SS18: variants seen among roughly 807,000 people sequenced by gnomAD.
SS18 encodes protein SSXT.
Under a neutral mutation model 72.5 loss-of-function variants are expected in SS18, and 28 were observed. The observed-to-expected ratio is 0.39, with a 90% CI of 0.29 to 0.53. The LOEUF is 0.53. Ranked by LOEUF, SS18 falls within the 20% of genes least tolerant of loss-of-function variation. The pLI, the probability that SS18 is intolerant of heterozygous loss-of-function variation, is 0.76. For missense variants in SS18, 518 were observed against 535.3 expected (o/e 0.97, Z 0.32); for synonymous variants, 172 against 164.2 (o/e 1.05, Z -0.37).
At chr18:26,077,036 A>C (rs1024544954) in intron 3 of SS18, among the ~76,000 whole-genome samples, 1 of 151,972 alleles carries the variant, frequency 6.6e-6, no homozygotes, top group Admixed American at 6.5e-5. Flanking sequence ...ATTACAGCTA[A>C]TAAATGCAAG....
chr18:26,079,788 C>T (rs1381218042), intron 2 of SS18, among the ~76,000 whole-genome samples: 1 of 152,094 alleles, frequency 6.6e-6, no homozygotes, highest in Non-Finnish European at 1.5e-5. Context: ...ACCATGTTGC[C>T]CAGGCTGCTC....
chr18:26,036,174 C>T (rs1233545112), intron 7 of SS18, among the ~76,000 whole-genome samples: 1 of 141,190 alleles, frequency 7.1e-6, no homozygotes, highest in Non-Finnish European at 1.5e-5. Context: ...TCTGATAATC[C>T]TCATTGAGGG....
At chr18:26,023,621 C>T (rs1322217998) in intron 10 of SS18, 1 of 530,544 alleles carries the variant, frequency 1.9e-6, no homozygotes, top group African/African-American at 1.9e-5. Context: ...AACAAACTGT[C>T]CACCTAGAAT....
rs73403587 is a variant in SS18 at position 26,082,388 on chromosome 18, C to A, written c.147-4228G>T. On this transcript the variant is annotated intron_variant, in intron 2 of 10. Transcript: ENST00000415083. ...CTAGAAGCTATGAATATTTATTAGACAACGGGAATGCACTTTATAGAATAA... is the reference window on the plus strand; with the variant it reads ...CTAGAAGCTATGAATATTTATTAGAAAACGGGAATGCACTTTATAGAATAA... The A allele has an allele frequency of 6.3e-6, 6 of 954,120 alleles. No individual in the cohort carries two copies. In the South Asian group the frequency reaches 2.4e-4, roughly 38 times the overall value. The allele number at this position is 954,120 out of a possible 1,614,324, so 59.1% of individuals were successfully genotyped here. A position where few individuals can be genotyped will look rare whatever the true frequency, so the allele number is the denominator to read the frequency against.
rs116141340 is a variant in SS18 at position 26,084,450 on chromosome 18, T to C, written c.146+3051A>G. ...TGTGTTGAAGTATGATGAGAAACAA[T>C]GTAAATGTGCCTCAAGGTATTAGAT... On this transcript the variant is annotated intron_variant, in intron 2 of 10. Coordinates refer to ENST00000415083, the MANE Select transcript of SS18 (RefSeq NM_001007559.3). Among the ~76,000 whole-genome samples, 548 of 152,236 alleles carry C rather than the reference T, an allele frequency of 3.6e-3. 4 individuals carry two copies. Among genetic ancestry groups the C allele is most frequent in the African/African-American group, 0.013 (525 of 41,552 alleles).
chr18:26,053,649 A>AGC (rs2053962494), intron 4 of SS18, among the ~76,000 whole-genome samples: 2 of 152,198 alleles, frequency 1.3e-5, no homozygotes, highest in African/African-American at 4.8e-5. Context: ...TGGGCAAAGG[A>AGC]CATAATGAGG....
At chr18:26,047,487 A>AT (rs1480145961) in intron 5 of SS18, among the ~76,000 whole-genome samples, 2 of 152,074 alleles carry the variant, frequency 1.3e-5, no homozygotes, top group Admixed American at 6.5e-5. Flanking sequence ...GAAAAATCAC[A>AT]TTTTTTCATG....
chr18:26,069,507 T>TAAAAAAAA (rs11329781), intron 3 of SS18, among the ~76,000 whole-genome samples: 2 of 86,008 alleles, frequency 2.3e-5, no homozygotes, highest in Non-Finnish European at 6.0e-5. Flanking sequence ...CCTACCAAAG[T>TAAAAAAAA]AAAAAAAAAA....
At chr18:26,077,678 C>G (rs1436495087) in intron 3 of SS18, among the ~76,000 whole-genome samples, 1 of 152,098 alleles carries the variant, frequency 6.6e-6, no homozygotes, top group Non-Finnish European at 1.5e-5. Flanking sequence ...TATTGTAAGA[C>G]AGAAAGAAAT....
Position 26,057,739 on chromosome 18 carries a change from G to C in SS18, c.235C>G (p.Pro79Ala). ...QNMQSLLPAP[P>A]TQNMPMGPGG... ...GGACCCATAGGCATATTCTGTGTGG[G>C]TGGCTGAAAGAAGACAGTTTAGTAA... The change falls in exon 4 of 11, where the codon CCC becomes GCC. Residue 79 changes from proline (P) to alanine (A), a missense_variant. Coordinates refer to ENST00000415083, the MANE Select transcript of SS18 (RefSeq NM_001007559.3). The C allele has an allele frequency of 6.3e-7, 1 of 1,599,786 alleles. No homozygotes were observed. Among genetic ancestry groups the C allele is most frequent in the South Asian group, 1.1e-5 (1 of 89,842 alleles).
chr18:26,030,082 C>T (rs904698375), intron 10 of SS18, among the ~76,000 whole-genome samples: 2 of 152,182 alleles, frequency 1.3e-5, no homozygotes, highest in South Asian at 2.1e-4. Context: ...ATCATAGCTA[C>T]CAAGTGCTAG....
intron 3 of SS18, among the ~76,000 whole-genome samples, chr18:26,074,686 T>C (rs2054378339): frequency 6.6e-6 from 1 of 152,006 alleles, no homozygotes; most frequent in African/African-American, 2.4e-5. Context: ...ATAATTTATA[T>C]TAACAATATA....
At chr18:26,036,519 T>C (rs2053628674) in intron 7 of SS18, among the ~76,000 whole-genome samples, 2 of 152,206 alleles carry the variant, frequency 1.3e-5, no homozygotes, top group South Asian at 2.1e-4. Flanking sequence ...ATCATAAACA[T>C]ACATCTTCAT....
chr18:26,020,827 G>A (rs2053335890), intron 10 of SS18, among the ~76,000 whole-genome samples: 1 of 152,076 alleles, frequency 6.6e-6, no homozygotes, highest in Admixed American at 6.6e-5. Context: ...AAAAGAAAAG[G>A]GGGCAATTCA....
At chr18:26,079,056 C>A (rs529055185) in intron 2 of SS18, 1 of 152,100 alleles carries the variant, frequency 6.6e-6, no homozygotes, top group Non-Finnish European at 1.5e-5. Context: ...CAACTTAGGC[C>A]CACTGTGTTT....
chr18:26,035,844 ATGT>A lies in SS18; in HGVS notation c.957_959del (p.Gln319del). 2 of 1,598,942 alleles carry A rather than the reference ATGT, an allele frequency of 1.3e-6. No homozygotes were observed. Among genetic ancestry groups the A allele is most frequent in the Non-Finnish European group, 1.7e-6 (2 of 1,170,656 alleles). On this transcript the variant is annotated inframe_deletion, in exon 8 of 11. Coordinates refer to ENST00000415083, the MANE Select transcript of SS18 (RefSeq NM_001007559.3). This position sits in a 1 kb window ranked among gnomAD's most constrained non-coding sequence, Gnocchi z 4.4. ...GTATATAGATACCTCCTTCGTAGTAATGTTGTGAGGAATCCTCATAAGGCCTAT... is the reference window on the plus strand; with the variant it reads ...GTATATAGATACCTCCTTCGTAGTAATGTGAGGAATCCTCATAAGGCCTAT...
Position 26,078,279 on chromosome 18 carries a change from T to C in SS18, c.147-119A>G, listed in dbSNP as rs562636536. 96 of 611,590 alleles carry C rather than the reference T, an allele frequency of 1.6e-4. 1 individual carries two copies. The highest frequency in any genetic ancestry group is 2.4e-4 in the South Asian group (10 of 41,324). The allele number at this position is 611,590 out of a possible 1,614,324, so 37.9% of individuals were successfully genotyped here. A position where few individuals can be genotyped will look rare whatever the true frequency, so the allele number is the denominator to read the frequency against. On this transcript the variant is annotated intron_variant, in intron 2 of 10. Transcript: ENST00000415083. ...TAAAAATTTGTTACCCGAACATCAATAGCACTTCAATTTTTCCTACACTGC... is the reference window on the plus strand; with the variant it reads ...TAAAAATTTGTTACCCGAACATCAACAGCACTTCAATTTTTCCTACACTGC...
intron 10 of SS18, among the ~76,000 whole-genome samples, chr18:26,024,720 A>G (rs2053416075): frequency 6.6e-6 from 1 of 152,230 alleles, no homozygotes; most frequent in South Asian, 2.1e-4. Context: ...TGTTAAAAAG[A>G]GGAGAAAAAT....
chr18:26,023,801 A>G (rs2143785733), intron 10 of SS18, among the ~76,000 whole-genome samples: 1 of 152,228 alleles, frequency 6.6e-6, no homozygotes, highest in East Asian at 1.9e-4. Flanking sequence ...TAAATAATGA[A>G]GAGTACCAAA....
Sources: allele counts gnomAD v4.1 joint callset (sites outside exome capture counted in the v4.1 genomes callset), GRCh38; gene constraint gnomAD v4.1.1; non-coding constraint Gnocchi (gnomAD v3.1); transcripts MANE v1.5; gene names NCBI Gene and HGNC (gene_info 2026-07-23, HGNC 2026-07-21).